Variants in ESYT2 observed in about 807,000 individuals in gnomAD.
ESYT2 encodes extended synaptotagmin-2.
ESYT2 carries 54 observed loss-of-function variants against 107.2 expected under a neutral mutation model. That is an observed-to-expected ratio of 0.50 (90% CI 0.40 to 0.63). The LOEUF (loss-of-function observed/expected upper bound fraction) is 0.63, where lower values mean the gene tolerates loss of function less well. Among genes scored for constraint, ESYT2 ranks in the 30% least tolerant of loss-of-function variants. The pLI is 0.00. For synonymous variants in ESYT2, 491 were observed against 434.1 expected, an observed-to-expected ratio of 1.13 and a Z score of -1.63; for missense variants, 1,020 against 1,094.5, an observed-to-expected ratio of 0.93 and a Z score of 0.96.
At chr7:158,816,604 A>G (rs1204595292) in intron 1 of ESYT2, among the ~76,000 whole-genome samples, 1 of 152,192 alleles carries the variant, frequency 6.6e-6, no homozygotes, top group Non-Finnish European at 1.5e-5. Flanking sequence ...CAGAACCCTT[A>G]AAAGATAAGA....
At position 158,731,241 on chromosome 7, in the gene ESYT2, T is replaced by G. The variant is rs758354319; in HGVS notation, c.*2966A>C. The G allele has an allele frequency of 3.3e-5, 5 of 152,230 alleles. No homozygotes were observed. Among genetic ancestry groups the G allele is most frequent in the Non-Finnish European group, 7.3e-5 (5 of 68,042 alleles). 9.4% of individuals were successfully genotyped at this position (152,230 alleles called of 1,614,324 possible). A position where few individuals can be genotyped will look rare whatever the true frequency, so the allele number is the denominator to read the frequency against. On this transcript the variant is annotated 3_prime_UTR_variant, in exon 23 of 23. Transcript: ENST00000275418. ...CCGACCTCTTGATAAAGAATGTCTGTAAAAGGAATTCTTACCGTGCAGAAT... is the reference window on the plus strand; with the variant it reads ...CCGACCTCTTGATAAAGAATGTCTGGAAAAGGAATTCTTACCGTGCAGAAT...
chr7:158,775,340 T>C (rs751418976), intron 6 of ESYT2, among the ~76,000 whole-genome samples: 5 of 151,598 alleles, frequency 3.3e-5, no homozygotes, highest in Admixed American at 1.3e-4. Context: ...GTTTGCTGCA[T>C]TGACTGACTC....
chr7:158,783,232 A>G (rs1306148904), intron 6 of ESYT2, among the ~76,000 whole-genome samples: 1 of 152,168 alleles, frequency 6.6e-6, no homozygotes, highest in Non-Finnish European at 1.5e-5. Flanking sequence ...GGAATGACAC[A>G]GATGTATCCA....
chr7:158,816,698 C>T (rs1840156343), intron 1 of ESYT2, among the ~76,000 whole-genome samples: 1 of 152,212 alleles, frequency 6.6e-6, no homozygotes, highest in African/African-American at 2.4e-5. Flanking sequence ...CCTCCTGCTC[C>T]AGTACTCACG....
chr7:158,735,461 T>C (rs371458768), intron 21 of ESYT2, 42 bp downstream of exon 21: 65 of 1,552,418 alleles, frequency 4.2e-5, no homozygotes, highest in Non-Finnish European at 5.2e-5. Flanking sequence ...TGTTCAATTT[T>C]ACAAACTGCA....
intron 9 of ESYT2, 123 bp downstream of exon 9, chr7:158,764,554 G>T: frequency 1.0e-6 from 1 of 997,000 alleles, no homozygotes; most frequent in Non-Finnish European, 1.5e-6. Flanking sequence ...ATTAAACAAG[G>T]AACATTTAAA....
At chr7:158,748,066 A>C in intron 16 of ESYT2, 128 bp downstream of exon 16, 1 of 791,372 alleles carries the variant, frequency 1.3e-6, no homozygotes, top group Non-Finnish European at 2.0e-6. Context: ...TTACAGAGAG[A>C]TCTACCAATT....
intron 18 of ESYT2, among the ~76,000 whole-genome samples, chr7:158,741,311 T>A (rs1306735000): frequency 1.3e-5 from 2 of 152,152 alleles, no homozygotes; most frequent in African/African-American, 4.8e-5. Context: ...AATGACTAAA[T>A]CCTAGAAAAT....
At chr7:158,754,930 A>C (rs1837701587) in intron 13 of ESYT2, among the ~76,000 whole-genome samples, 1 of 152,146 alleles carries the variant, frequency 6.6e-6, no homozygotes, top group South Asian at 2.1e-4. Flanking sequence ...GGCTCCTGGA[A>C]AGTGCTCAGT....
At chr7:158,824,493 G>A (rs1269929766) in intron 1 of ESYT2, among the ~76,000 whole-genome samples, 1 of 152,128 alleles carries the variant, frequency 6.6e-6, no homozygotes, top group Non-Finnish European at 1.5e-5. Context: ...TTAGTTCTTA[G>A]ACTATACATA....
At chr7:158,797,866 AAAAG>A (rs1162557767) in intron 3 of ESYT2, 72 bp downstream of exon 3, 1 of 1,554,976 alleles carries the variant, frequency 6.4e-7, no homozygotes, top group Admixed American at 2.1e-5. Flanking sequence ...GAAAAAAAAA[AAAAG>A]AAAATGTGTT....
Position 158,749,697 on chromosome 7 carries a change from T to C in ESYT2, c.1509A>G (p.Pro503=). The part of the protein sequence containing the change: ...LKSGKKISSN[P]NPVVQMSVGH... ...CAACTGACATCTGGACAACAGGATT[T>C]GGGTTGCTGCTTATTTTCTTCCCTG... is the stretch of plus-strand genomic sequence containing the variant. The change falls in exon 15 of 23, where the codon CCA becomes CCG. Residue 503 remains proline (P), a synonymous_variant. Coordinates refer to ENST00000275418, the MANE Select transcript of ESYT2 (RefSeq NM_001367773.1). The C allele has an allele frequency of 5.6e-6, 9 of 1,614,060 alleles. No homozygotes were observed. Among genetic ancestry groups the C allele is most frequent in the Non-Finnish European group, 7.6e-6 (9 of 1,179,978 alleles).
intron 1 of ESYT2, among the ~76,000 whole-genome samples, chr7:158,804,886 T>C (rs573988475): frequency 2.0e-5 from 3 of 152,296 alleles, no homozygotes; most frequent in South Asian, 4.2e-4. Flanking sequence ...AGAAAGCTGG[T>C]GTCCTGCACT....
chr7:158,751,459 C>A (rs999168439), intron 14 of ESYT2, among the ~76,000 whole-genome samples: 6 of 152,250 alleles, frequency 3.9e-5, no homozygotes, highest in Admixed American at 3.9e-4. Context: ...AAAATATAAG[C>A]GTTAAGTCAG....
intron 18 of ESYT2, among the ~76,000 whole-genome samples, chr7:158,741,080 CAA>C (rs1001034482): frequency 7.9e-5 from 12 of 152,180 alleles, no homozygotes; most frequent in African/African-American, 2.4e-4. Flanking sequence ...CGAAGACAAA[CAA>C]AAGAGACTGA....
rs1836902621 is a variant in ESYT2 at position 158,735,523 on chromosome 7, C to A, written c.2485G>T (p.Asp829Tyr). 1 of 1,614,124 alleles carries A rather than the reference C, an allele frequency of 6.2e-7. No homozygotes were observed. The highest frequency in any genetic ancestry group is 1.3e-5 in the African/African-American group (1 of 75,052). Residue 829 changes from aspartate to tyrosine, a missense_variant, in exon 21 of 23, where the codon GAC (aspartate) becomes TAC (tyrosine). Coordinates refer to ENST00000275418, the MANE Select transcript of ESYT2 (RefSeq NM_001367773.1). ...CTTACTTTGCCAAGGAGCCCTTTGT[C>A]TTTGGACAGGAAGCCGCCACTGTTC... ...VKNSGGFLSKDKGLLGKVLVA... is the reference protein window; with the variant it reads ...VKNSGGFLSKYKGLLGKVLVA...
At chr7:158,743,935 A>G (rs66478815) in intron 16 of ESYT2, 67,625 of 322,166 alleles carry the variant, frequency 0.21, 8,571 homozygotes, top group East Asian at 0.56. Flanking sequence ...TTAGTTGGGC[A>G]TGGTGGCGCG....
chr7:158,745,692 T>A (rs1310733123), intron 16 of ESYT2, among the ~76,000 whole-genome samples: 1 of 150,974 alleles, frequency 6.6e-6, no homozygotes. Flanking sequence ...ATAGAAAGAT[T>A]AAAAAAAAAT....
intron 18 of ESYT2, among the ~76,000 whole-genome samples, chr7:158,740,974 T>C (rs1837175841): frequency 6.6e-6 from 1 of 152,174 alleles, no homozygotes. Context: ...CTGAAGCTTG[T>C]GATAACTACA....
Sources: gnomAD v4.1 joint callset for allele counts (sites outside exome capture counted in the v4.1 genomes callset) on GRCh38, gnomAD v4.1.1 for gene constraint, MANE v1.5 for transcripts, NCBI Gene and HGNC (gene_info 2026-07-23, HGNC 2026-07-21) for gene names.